CAPS2: variants seen among roughly 807,000 people sequenced by gnomAD.
CAPS2 encodes calcyphosine 2.
A neutral mutation model predicts 86.5 loss-of-function variants in CAPS2; 98 were observed. The ratio of observed to expected loss-of-function variants is 1.13; its 90% confidence interval spans 0.96 to 1.34. The LOEUF is 1.34. CAPS2 is among the 40% of genes most tolerant of loss of function. CAPS2 has a pLI of 0.00. For missense variants in CAPS2, 729 were observed against 686.8 expected (o/e 1.06, Z -0.69); for synonymous variants, 210 against 225.1 (o/e 0.93, Z 0.60).
chr12:75,390,896 A>T, exon 1 of CAPS2: 1 of 702,182 alleles, frequency 1.4e-6, no homozygotes, highest in Non-Finnish European at 2.7e-6. Context: ...TTCACTCTGC[A>T]GGTCTAGCTT....
At chr12:75,289,676 T>C (rs201840767) in exon 14 of CAPS2, 11 of 1,613,492 alleles carry the variant, frequency 6.8e-6, no homozygotes, top group African/African-American at 2.7e-5. Context: ...ATCTGCCTTA[T>C]CTAAAAGTCC....
intron 13 of CAPS2, among the ~76,000 whole-genome samples, chr12:75,290,066 C>G (rs1171590064): frequency 6.6e-6 from 1 of 152,080 alleles, no homozygotes; most frequent in Non-Finnish European, 1.5e-5. Context: ...AAGAGAATAA[C>G]CTAAATATTA....
intron 1 of CAPS2, among the ~76,000 whole-genome samples, chr12:75,340,076 T>C (rs1445034684): frequency 6.6e-6 from 1 of 151,912 alleles, no homozygotes; most frequent in African/African-American, 2.4e-5. Flanking sequence ...GCAAATGCCA[T>C]TATTTTGTTC....
At chr12:75,322,894 A>T in intron 4 of CAPS2, 1 of 783,094 alleles carries the variant, frequency 1.3e-6, no homozygotes. Context: ...TAAAATATTT[A>T]AACTTGGCAA....
chr12:75,308,902 CAAAAAAAAAAAA>C (rs10634496), intron 7 of CAPS2, among the ~76,000 whole-genome samples: 1 of 98,198 alleles, frequency 1.0e-5, no homozygotes, highest in Non-Finnish European at 1.9e-5. Context: ...GACTCGGTCT[CAAAAAAAAAAAA>C]AAAAAAAAAG....
intron 6 of CAPS2, among the ~76,000 whole-genome samples, chr12:75,314,063 G>A (rs1164521227): frequency 1.3e-5 from 2 of 152,176 alleles, no homozygotes; most frequent in South Asian, 2.1e-4. Context: ...GGGACTACAG[G>A]TGTATGCCAC....
At chr12:75,383,430 A>T (rs2045111498) in intron 1 of CAPS2, among the ~76,000 whole-genome samples, 3 of 152,202 alleles carry the variant, frequency 2.0e-5, no homozygotes, top group Admixed American at 2.0e-4. Context: ...GAAAGTTATC[A>T]GGATTAAACA....
At chr12:75,365,454 A>G (rs2043901832) in intron 1 of CAPS2, among the ~76,000 whole-genome samples, 1 of 152,212 alleles carries the variant, frequency 6.6e-6, no homozygotes, top group Non-Finnish European at 1.5e-5. Flanking sequence ...TAGCCAAGAG[A>G]TAATTCATAA....
In CAPS2 at chr12:75,343,774, T is replaced by A. The variant is rs560648029; in HGVS notation, c.-394-20552A>T. The A allele has an allele frequency of 4.3e-6, 7 of 1,613,076 alleles. No individual in the cohort carries two copies. In the East Asian group the frequency reaches 1.6e-4, roughly 36 times the overall value. ...TGAACATAATGACTGTTTGGATAAA[T>A]CATATAAATGCTATGCAGCTTTTGA... On this transcript the variant is annotated intron_variant, in intron 1 of 5. Transcript: ENST00000551829.
At chr12:75,330,020 T>TTAGACAGGACAGTC (rs1382071253), upstream of CAPS2, 3 of 631,586 alleles carry the variant, frequency 4.7e-6, no homozygotes, top group African/African-American at 1.8e-5. Context: ...TCAGAAAGCT[T>TTAGACAGGACAGTC]TAGACAGGAC....
At chr12:75,311,734 A>AAC (rs2039239951) in intron 7 of CAPS2, among the ~76,000 whole-genome samples, 1 of 115,636 alleles carries the variant, frequency 8.6e-6, no homozygotes, top group African/African-American at 3.0e-5. Context: ...CAAAAAAAAA[A>AAC]AAAAAAACCT....
At chr12:75,309,085 A>G (rs1468817954) in intron 7 of CAPS2, among the ~76,000 whole-genome samples, 2 of 152,136 alleles carry the variant, frequency 1.3e-5, no homozygotes, top group African/African-American at 2.4e-5. Flanking sequence ...TCACGCATGT[A>G]CTTAGAATTA....
Position 75,312,846 on chromosome 12 carries a change from A to C in CAPS2, c.659+2T>G. ...TTTCTATTACCAGTTGCTAATTCTC[A>C]CCTAGATAAGTGGTCTATCATCACT... is the stretch of plus-strand genomic sequence containing the variant. On this transcript the variant is annotated splice_donor_variant, in intron 7 of 16. Coordinates refer to ENST00000393284, the Ensembl canonical transcript of CAPS2. LOFTEE classifies it high-confidence loss of function. The C allele has an allele frequency of 6.5e-7, 1 of 1,540,064 alleles. No individual in the cohort carries two copies. The highest frequency in any genetic ancestry group is 1.7e-4 in the Middle Eastern group (1 of 5,920).
intron 2 of CAPS2, among the ~76,000 whole-genome samples, chr12:75,323,556 C>A (rs2040498848): frequency 6.6e-6 from 1 of 152,130 alleles, no homozygotes; most frequent in South Asian, 2.1e-4. Flanking sequence ...CCAGCCTGAC[C>A]AACATGGAGA....
At chr12:75,373,945 C>T (rs1222675604) in intron 1 of CAPS2, 1 of 152,356 alleles carries the variant, frequency 6.6e-6, no homozygotes, top group East Asian at 1.9e-4. Flanking sequence ...GCACCCAGTT[C>T]ATGATAGGCA....
At chr12:75,341,916 T>A (rs1406999107) in intron 1 of CAPS2, among the ~76,000 whole-genome samples, 1 of 152,016 alleles carries the variant, frequency 6.6e-6, no homozygotes, top group Non-Finnish European at 1.5e-5. Context: ...CCTGGCTGAT[T>A]TTTGTATTTT....
At chr12:75,371,737 A>C (rs1294745539) in intron 1 of CAPS2, among the ~76,000 whole-genome samples, 1 of 152,220 alleles carries the variant, frequency 6.6e-6, no homozygotes, top group Non-Finnish European at 1.5e-5. Flanking sequence ...TAAAGGAAAA[A>C]TAGAGGGAAT....
intron 15 of CAPS2, among the ~76,000 whole-genome samples, chr12:75,282,756 T>C (rs2034206274): frequency 1.3e-5 from 2 of 152,216 alleles, no homozygotes; most frequent in African/African-American, 2.4e-5. Flanking sequence ...CAGTAGGTTA[T>C]TTCTGAGCTA....
intron 8 of CAPS2, among the ~76,000 whole-genome samples, chr12:75,303,282 T>C (rs1436021592): frequency 1.3e-5 from 2 of 152,228 alleles, no homozygotes; most frequent in Non-Finnish European, 2.9e-5. Context: ...TATCATGTTG[T>C]ACATCTTATA....
Sources: allele counts gnomAD v4.1 joint callset (sites outside exome capture counted in the v4.1 genomes callset), GRCh38; gene constraint gnomAD v4.1.1; transcripts MANE v1.5; gene names NCBI Gene and HGNC (gene_info 2026-07-23, HGNC 2026-07-21).